Variants in TANC1 observed in about 807,000 individuals in gnomAD.
TANC1 encodes the protein protein TANC1.
TANC1 carries 77 observed loss-of-function variants against 149.7 expected under a neutral mutation model. The ratio of observed to expected loss-of-function variants is 0.51; its 90% confidence interval spans 0.43 to 0.62. The LOEUF (loss-of-function observed/expected upper bound fraction) is 0.62. Among genes scored for constraint, TANC1 ranks in the 20% least tolerant of loss-of-function variants. TANC1 has a pLI of 0.00. For synonymous variants in TANC1, 854 were observed against 925.0 expected (o/e 0.92, Z 1.39); for missense variants, 1,985 against 2,321.8 (o/e 0.85, Z 2.98).
chr2:158,990,430 G>A (rs1047449793), intron 1 of TANC1, among the ~76,000 whole-genome samples: 3 of 152,154 alleles, frequency 2.0e-5, no homozygotes, highest in South Asian at 2.1e-4. Context: ...AATGGGCTAG[G>A]CTGACACATG....
intron 5 of TANC1, among the ~76,000 whole-genome samples, chr2:159,138,771 A>G (rs546577020): frequency 2.0e-5 from 3 of 152,354 alleles, no homozygotes; most frequent in Admixed American, 2.0e-4. Flanking sequence ...GACTCCACTG[A>G]AAACAGCTCT....
chr2:159,106,931 T>A (rs1034475676), intron 4 of TANC1, among the ~76,000 whole-genome samples: 3 of 152,282 alleles, frequency 2.0e-5, no homozygotes, highest in African/African-American at 7.2e-5. Context: ...GAATACAGAT[T>A]CCTTATGAGA....
intron 1 of TANC1, among the ~76,000 whole-genome samples, chr2:158,993,729 C>G (rs1370601993): frequency 6.6e-6 from 1 of 152,064 alleles, no homozygotes; most frequent in East Asian, 1.9e-4. Flanking sequence ...ATTCTCTCCC[C>G]TGAACTTTCT....
rs371264689 is a variant in TANC1, at chr2:158,992,209, C to T, written c.-125-8871C>T. On this transcript the variant is annotated intron_variant, in intron 1 of 26. Transcript: ENST00000263635. The stretch of plus-strand genomic sequence containing the variant: ...TGAGACCTCATCTCTAGAAAAAATA[C>T]AAAAATTAGATGGGCATGGTGGTGT... 2.0e-5 allele frequency among the ~76,000 whole-genome samples: 3 copies of T among 151,824 alleles called. No individual in the cohort carries two copies. The South Asian group carries it at 6.2e-4, about 32-fold the overall frequency.
intron 22 of TANC1, among the ~76,000 whole-genome samples, chr2:159,220,352 G>A (rs1042656012): frequency 6.6e-6 from 1 of 151,704 alleles, no homozygotes; most frequent in Non-Finnish European, 1.5e-5. Context: ...CTGTTGCCCA[G>A]GCTGGAGTGC....
chr2:159,021,605 C>T (rs2038838007), intron 2 of TANC1, among the ~76,000 whole-genome samples: 1 of 151,264 alleles, frequency 6.6e-6, no homozygotes, highest in Non-Finnish European at 1.5e-5. Flanking sequence ...TGTAACGAGA[C>T]CCTATCTCTT....
At chr2:159,218,575 C>T (rs1357433353) in intron 20 of TANC1, among the ~76,000 whole-genome samples, 1 of 152,204 alleles carries the variant, frequency 6.6e-6, no homozygotes, top group Non-Finnish European at 1.5e-5. Flanking sequence ...GAAAAATGGG[C>T]TAAGCTACGG....
At chr2:159,119,737 G>A (rs1224006966) in intron 4 of TANC1, among the ~76,000 whole-genome samples, 3 of 152,128 alleles carry the variant, frequency 2.0e-5, no homozygotes, top group East Asian at 1.9e-4. Flanking sequence ...GGTGAGCTGC[G>A]GTCGTGGCTT....
chr2:159,059,679 C>G (rs1402052777), intron 2 of TANC1, among the ~76,000 whole-genome samples: 1 of 152,066 alleles, frequency 6.6e-6, no homozygotes, highest in Admixed American at 6.6e-5. Context: ...GGCAAGGTCT[C>G]TGTCAATTCC....
At chr2:159,201,397 A>G (rs531710816) in intron 19 of TANC1, among the ~76,000 whole-genome samples, 1 of 152,340 alleles carries the variant, frequency 6.6e-6, no homozygotes, top group South Asian at 2.1e-4. Flanking sequence ...GGCATCGTAC[A>G]GAGAACTGAA....
chr2:159,054,838 C>T (rs1387652953), intron 2 of TANC1, among the ~76,000 whole-genome samples: 1 of 152,108 alleles, frequency 6.6e-6, no homozygotes, highest in East Asian at 1.9e-4. Context: ...GTGTACTGTG[C>T]TTACAGTGGT....
intron 5 of TANC1, among the ~76,000 whole-genome samples, chr2:159,146,931 G>T (rs1336019795): frequency 7.2e-6 from 1 of 139,544 alleles, no homozygotes; most frequent in East Asian, 1.9e-4. Context: ...GTTGTTTTTG[G>T]ATTAAAAAAA....
rs1310509206 is a variant in TANC1 at position 159,225,787 on chromosome 2, G to T, written c.3903+8G>T. 1 of 1,607,058 alleles carries T rather than the reference G, an allele frequency of 6.2e-7. No homozygotes were observed. The highest frequency in any genetic ancestry group is 8.5e-7 in the Non-Finnish European group (1 of 1,173,876). The stretch of plus-strand genomic sequence containing the variant: ...GGAAATGTGATGTACAAAGTAAGTG[G>T]TTCCGCCCTTTTCTTTGCCATTGAA... On this transcript the variant is annotated splice_region_variant and intron_variant, in intron 24 of 26. Transcript: ENST00000263635.
chr2:159,054,568 T>C (rs2041707773), intron 2 of TANC1, among the ~76,000 whole-genome samples: 1 of 152,190 alleles, frequency 6.6e-6, no homozygotes, highest in Admixed American at 6.5e-5. Context: ...AAGCAAGAGA[T>C]CATTCTGTGA....
intron 2 of TANC1, among the ~76,000 whole-genome samples, chr2:159,013,745 G>T (rs567127397): frequency 6.6e-6 from 1 of 152,284 alleles, no homozygotes; most frequent in African/African-American, 2.4e-5. Flanking sequence ...CACATAATTG[G>T]TAAGCAGCTG....
Position 159,149,219 on chromosome 2 carries a change from G to A in TANC1, c.442G>A (p.Glu148Lys). The change falls in exon 6 of 27, where the codon GAA becomes AAA. Residue 148 changes from glutamate to lysine, a missense_variant. Around this residue, in one of 3 missense-constraint regions of TANC1, gnomAD observed 557 missense variants for 612.9 expected, o/e 0.91. Coordinates refer to ENST00000263635, the MANE Select transcript of TANC1 (RefSeq NM_033394.3). ...GACAAGGCTGGGATTTTTACTGGGA[G>A]AAGGGATCCCAAGTGCCACACACAT... ...LLTRLGFLLG[E>K]GIPSATHITI... 1 of 1,614,160 alleles carries A rather than the reference G, an allele frequency of 6.2e-7. No homozygotes were observed. The highest frequency in any genetic ancestry group is 8.5e-7 in the Non-Finnish European group (1 of 1,180,002).
intron 14 of TANC1, among the ~76,000 whole-genome samples, chr2:159,185,482 C>T (rs17494000): frequency 0.06 from 9,104 of 152,236 alleles, 275 homozygotes; most frequent in South Asian, 0.072. Flanking sequence ...CTCCTTCCCA[C>T]GTGAGACCTT....
chr2:159,115,447 G>A (rs2048152539), intron 4 of TANC1, among the ~76,000 whole-genome samples: 1 of 152,276 alleles, frequency 6.6e-6, no homozygotes, highest in East Asian at 1.9e-4. Context: ...TTAGGAAAAA[G>A]AATCTTTAGG....
In TANC1 at chr2:159,176,230, C is replaced by T. The variant is rs1220213580; in HGVS notation, c.1736-122C>T. 5 of 535,114 alleles carry T rather than the reference C, an allele frequency of 9.3e-6. No individual in the cohort carries two copies. In the South Asian group the frequency reaches 9.4e-5, roughly 10 times the overall value. The allele number at this position is 535,114 out of a possible 1,614,324, so 33.1% of individuals were successfully genotyped here. A position where few individuals can be genotyped will look rare whatever the true frequency, so the allele number is the denominator to read the frequency against. On this transcript the variant is annotated intron_variant, in intron 12 of 26. Transcript: ENST00000263635. The stretch of plus-strand genomic sequence containing the variant: ...AAATATGCTTCTGTGAAAACTGTTT[C>T]TTGTGCCATATGTAAACCTTTTTAG...
Sources: allele counts gnomAD v4.1 joint callset (sites outside exome capture counted in the v4.1 genomes callset), GRCh38; gene constraint gnomAD v4.1.1; regional missense constraint gnomAD v4.1.1; transcripts MANE v1.5; gene names NCBI Gene and HGNC (gene_info 2026-07-23, HGNC 2026-07-21).